ELMOD2: variants seen among roughly 807,000 people sequenced by gnomAD.
ELMOD2 encodes the protein ELMO domain containing 2.
A neutral mutation model predicts 41.0 loss-of-function variants in ELMOD2; 28 were observed. The ratio of observed to expected loss-of-function variants is 0.68; its 90% confidence interval spans 0.51 to 0.94. The LOEUF is 0.94. Among genes scored for constraint, ELMOD2 ranks in the 40% least tolerant of loss-of-function variants. The pLI is 0.00. For missense variants in ELMOD2, 333 were observed against 343.1 expected (o/e 0.97, Z 0.23); for synonymous variants, 106 against 107.2 (o/e 0.99, Z 0.07).
chr4:140,542,844 C>T (rs1231869701), intron 7 of ELMOD2, among the ~76,000 whole-genome samples: 1 of 151,600 alleles, frequency 6.6e-6, no homozygotes, highest in African/African-American at 2.4e-5. Context: ...ATATTTTTAT[C>T]ACAAGATATA....
chr4:140,527,561 A>T, intron 3 of ELMOD2, 67 bp downstream of exon 3: 8 of 1,389,238 alleles, frequency 5.8e-6, no homozygotes, highest in Non-Finnish European at 7.9e-6. Flanking sequence ...TAAAAAAAAA[A>T]AAGTGCCCTG....
chr4:140,539,138 A>T (rs189450398), intron 5 of ELMOD2, among the ~76,000 whole-genome samples: 1 of 152,316 alleles, frequency 6.6e-6, no homozygotes, highest in Admixed American at 6.5e-5. Context: ...AGGTAACAGA[A>T]TACTCCTTTC....
intron 3 of ELMOD2, 91 bp from the exon 4 acceptor site, chr4:140,535,642 T>A: frequency 8.3e-7 from 1 of 1,201,922 alleles, no homozygotes; most frequent in East Asian, 2.5e-5. Context: ...ATTTTTAATA[T>A]CTACTTTGTA....
chr4:140,541,948 G>C (rs1052083789), intron 6 of ELMOD2, among the ~76,000 whole-genome samples: 17 of 151,974 alleles, frequency 1.1e-4, no homozygotes, highest in African/African-American at 4.1e-4. Flanking sequence ...TGAGCATCTA[G>C]TTGTGTGTGT....
chr4:140,537,997 A>T (rs1009919551), intron 5 of ELMOD2, among the ~76,000 whole-genome samples: 1 of 152,096 alleles, frequency 6.6e-6, no homozygotes, highest in African/African-American at 2.4e-5. Context: ...TTTGGGACTT[A>T]TGGAATGTTA....
rs1735442951 is a variant in ELMOD2 at position 140,550,593 on chromosome 4, C to G, written c.*218C>G. The stretch of plus-strand genomic sequence containing the variant: ...TACCTTATCCTTCCAAAGATCCCCT[C>G]TGTAGAGTCATGCGAACTACAGTTT... On this transcript the variant is annotated 3_prime_UTR_variant, in exon 9 of 9. Transcript: ENST00000323570. The G allele has an allele frequency of 8.1e-6, 3 of 369,098 alleles. No homozygotes were observed. Among genetic ancestry groups the G allele is most frequent in the Admixed American group, 4.8e-5 (1 of 20,728 alleles). The allele number at this position is 369,098 out of a possible 1,614,324, so 22.9% of individuals were successfully genotyped here. A position where few individuals can be genotyped will look rare whatever the true frequency, so the allele number is the denominator to read the frequency against.
chr4:140,528,613 T>G (rs1734643636), intron 3 of ELMOD2, among the ~76,000 whole-genome samples: 1 of 152,198 alleles, frequency 6.6e-6, no homozygotes, highest in Non-Finnish European at 1.5e-5. Flanking sequence ...TGGCTCAAGG[T>G]CAAAAATGTT....
chr4:140,542,447 G>C (rs1348151830), intron 6 of ELMOD2, 127 bp from the exon 7 acceptor site: 1 of 640,918 alleles, frequency 1.6e-6, no homozygotes, highest in African/African-American at 1.8e-5. Flanking sequence ...AGTGATTTGA[G>C]ACAGATATCA....
At chr4:140,549,325 G>A (rs1735392089) in intron 8 of ELMOD2, among the ~76,000 whole-genome samples, 1 of 150,200 alleles carries the variant, frequency 6.7e-6, no homozygotes, top group South Asian at 2.1e-4. Flanking sequence ...TTGATGTTGG[G>A]TGGTTTTAAA....
intron 3 of ELMOD2, chr4:140,535,514 C>G (rs533464150): frequency 8.8e-5 from 37 of 418,972 alleles, no homozygotes; most frequent in African/African-American, 6.4e-4. Flanking sequence ...GTTGAGGAAG[C>G]CTTCCTCTGG....
At position 140,536,664 on chromosome 4, in the gene ELMOD2, G is replaced by A. The variant is rs568966271; in HGVS notation, c.270-748G>A. Among the ~76,000 whole-genome samples the A allele has an allele frequency of 8.3e-4, 126 of 152,298 alleles. 7 individuals are homozygous for A. The South Asian group carries it at 0.024, about 30-fold the overall frequency. On this transcript the variant is annotated intron_variant, in intron 4 of 8. Coordinates refer to ENST00000323570, the MANE Select transcript of ELMOD2 (RefSeq NM_153702.4). ...GCAGAGTCTTGTATGCCATACTGAA[G>A]GATGTAGATGTTGTCCTCTGGTTTT...
intron 2 of ELMOD2, among the ~76,000 whole-genome samples, chr4:140,525,855 A>G (rs182366165): frequency 5.9e-5 from 9 of 152,354 alleles, no homozygotes; most frequent in Admixed American, 2.0e-4. Context: ...AAAAATTTCT[A>G]TACTTACATA....
chr4:140,535,001 T>G (rs1285361287), intron 3 of ELMOD2, among the ~76,000 whole-genome samples: 2 of 152,196 alleles, frequency 1.3e-5, no homozygotes, highest in African/African-American at 4.8e-5. Flanking sequence ...TTCAACACTC[T>G]TCCTGTACTC....
chr4:140,539,597 C>G (rs12500802), intron 5 of ELMOD2, among the ~76,000 whole-genome samples: 1 of 152,118 alleles, frequency 6.6e-6, no homozygotes, highest in Non-Finnish European at 1.5e-5. Flanking sequence ...CCACCTGCCT[C>G]GGCCTCCCAA....
chr4:140,525,956 A>T (rs1734549954), intron 2 of ELMOD2, among the ~76,000 whole-genome samples: 1 of 152,136 alleles, frequency 6.6e-6, no homozygotes, highest in Admixed American at 6.5e-5. Context: ...TCAGTCTTTT[A>T]CTTTCTTACT....
At chr4:140,546,354 GA>G (rs1735282873) in intron 8 of ELMOD2, among the ~76,000 whole-genome samples, 1 of 151,912 alleles carries the variant, frequency 6.6e-6, no homozygotes, top group East Asian at 1.9e-4. Context: ...GGGGAGTGGG[GA>G]GGGTTAGCAT....
intron 3 of ELMOD2, among the ~76,000 whole-genome samples, chr4:140,529,231 GT>G: frequency 6.6e-6 from 1 of 152,310 alleles, no homozygotes; most frequent in South Asian, 2.1e-4. Flanking sequence ...TAGCATATTA[GT>G]ATGCTGTCTG....
intron 4 of ELMOD2, 112 bp downstream of exon 4, chr4:140,535,942 A>G (rs1397741834): frequency 1.1e-6 from 1 of 923,716 alleles, no homozygotes; most frequent in African/African-American, 1.7e-5. Flanking sequence ...AGATCATCTG[A>G]TTCAGCGCTC....
chr4:140,525,356 C>CTAAT (rs3833618), intron 1 of ELMOD2, 64 bp from the exon 2 acceptor site: 411,713 of 1,495,180 alleles, frequency 0.28, 59,502 homozygotes, highest in East Asian at 0.44. Flanking sequence ...GTTGTATAAA[C>CTAAT]TTTTTAAATT....
Sources: allele counts gnomAD v4.1 joint callset (sites outside exome capture counted in the v4.1 genomes callset), GRCh38; gene constraint gnomAD v4.1.1; transcripts MANE v1.5; gene names NCBI Gene and HGNC (gene_info 2026-07-23, HGNC 2026-07-21).